Variants in SETD2 observed in about 807,000 individuals in gnomAD.
The protein encoded by SETD2 is SET domain containing 2, histone lysine methyltransferase.
Under a neutral mutation model 242.1 loss-of-function variants are expected in SETD2, and 31 were observed. The ratio of observed to expected loss-of-function variants is 0.13; its 90% confidence interval spans 0.10 to 0.17. The LOEUF (loss-of-function observed/expected upper bound fraction) is 0.17, where lower values mean the gene tolerates loss of function less well. Among genes scored for constraint, SETD2 ranks in the 10% least tolerant of loss-of-function variants. The probability of loss-of-function intolerance (pLI) is 1.00; values close to 1 mark genes in which losing one functional copy is unlikely to be tolerated. For missense variants in SETD2, 2,481 were observed against 3,046.3 expected (o/e 0.81, Z 4.37); for synonymous variants, 1,006 against 1,066.5 (o/e 0.94, Z 1.11).
chr3:47,147,917 CAAAAAAAAAAAA>C (rs547475994), intron 1 of SETD2, among the ~76,000 whole-genome samples: 2 of 52,126 alleles, frequency 3.8e-5, no homozygotes, highest in Non-Finnish European at 8.0e-5. Flanking sequence ...GACTCTGTCT[CAAAAAAAAAAAA>C]AAAAAAAAAA....
At chr3:47,051,741 A>T (rs1267552406) in intron 15 of SETD2, among the ~76,000 whole-genome samples, 1 of 152,164 alleles carries the variant, frequency 6.6e-6, no homozygotes, top group Non-Finnish European at 1.5e-5. Flanking sequence ...AAAAAAAAAA[A>T]ATCACCAGGG....
At chr3:47,090,655 G>T (rs1346188653) in intron 9 of SETD2, among the ~76,000 whole-genome samples, 1 of 152,124 alleles carries the variant, frequency 6.6e-6, no homozygotes, top group Non-Finnish European at 1.5e-5. Context: ...CTCCCAAAGT[G>T]CTAGGATTAT....
intron 12 of SETD2, among the ~76,000 whole-genome samples, chr3:47,077,904 A>G (rs756374190): frequency 1.4e-4 from 21 of 152,230 alleles, no homozygotes; most frequent in Non-Finnish European, 3.1e-4. Context: ...CAAGTAAATA[A>G]TGAAGTTAAT....
At chr3:47,030,801 A>G (rs1055140229) in intron 18 of SETD2, among the ~76,000 whole-genome samples, 2 of 152,232 alleles carry the variant, frequency 1.3e-5, no homozygotes, top group Non-Finnish European at 2.9e-5. Flanking sequence ...AAACCTGTAC[A>G]TGGATGTTTT....
At chr3:47,119,766 C>T (rs1215401045) in intron 3 of SETD2, 1 of 468,874 alleles carries the variant, frequency 2.1e-6, no homozygotes, top group African/African-American at 2.0e-5. Flanking sequence ...ATACAGTACC[C>T]AAAGATACTT....
chr3:47,045,878 C>T (rs2039502772), intron 16 of SETD2, among the ~76,000 whole-genome samples: 2 of 148,518 alleles, frequency 1.3e-5, no homozygotes, highest in African/African-American at 4.9e-5. Flanking sequence ...CAGGTTCACG[C>T]CATTCTCCTG....
chr3:47,112,948 T>C (rs2042716373), intron 5 of SETD2, among the ~76,000 whole-genome samples: 1 of 152,180 alleles, frequency 6.6e-6, no homozygotes, highest in African/African-American at 2.4e-5. Flanking sequence ...AAATACTGAA[T>C]ATGGTAGAAA....
At position 47,065,259 on chromosome 3, in the gene SETD2, G is replaced by A. The variant is rs75241147; in HGVS notation, c.6109+1811C>T. Among the ~76,000 whole-genome samples, 708 of 152,102 alleles carry A rather than the reference G, an allele frequency of 4.7e-3. 8 individuals carry two copies. The highest frequency in any genetic ancestry group is 0.017 in the African/African-American group (687 of 41,498). On this transcript the variant is annotated intron_variant, in intron 13 of 20. Coordinates refer to ENST00000409792, the MANE Select transcript of SETD2 (RefSeq NM_014159.7). ...GGCTATGAAGAGACTAAACCAGAGA[G>A]TGGAACTAAAAATATTCGAAAGACA...
intron 12 of SETD2, among the ~76,000 whole-genome samples, chr3:47,077,765 A>T (rs2041153503): frequency 6.6e-6 from 1 of 152,242 alleles, no homozygotes; most frequent in East Asian, 1.9e-4. Context: ...GGGAAGGGAC[A>T]GTACAAGATG....
intron 9 of SETD2, among the ~76,000 whole-genome samples, chr3:47,089,967 G>A (rs1467443594): frequency 6.6e-6 from 1 of 152,134 alleles, no homozygotes; most frequent in Admixed American, 6.5e-5. Flanking sequence ...AAAAGACTGG[G>A]CCAGATGCAG....
Position 47,017,880 on chromosome 3 carries a change from A to G in SETD2, c.7432-141T>C. The G allele has an allele frequency of 1.5e-6, 1 of 671,700 alleles. No homozygotes were observed. The highest frequency in any genetic ancestry group is 1.7e-5 in the South Asian group (1 of 58,074). 41.6% of individuals were successfully genotyped at this position (671,700 alleles called of 1,614,324 possible). A position where few individuals can be genotyped will look rare whatever the true frequency, so the allele number is the denominator to read the frequency against. On this transcript the variant is annotated intron_variant, in intron 19 of 20. Coordinates refer to ENST00000409792, the MANE Select transcript of SETD2 (RefSeq NM_014159.7). The surrounding 1 kb of genome is among the most constrained non-coding windows in gnomAD (Gnocchi z 4.8). ...CTCCCTCAGGTTAACTGGTTTGGAC[A>G]GTGGAATACTAGTAAGCCAGTAAGA... is the stretch of plus-strand genomic sequence containing the variant.
At chr3:47,058,336 G>A (rs959364904) in intron 14 of SETD2, among the ~76,000 whole-genome samples, 4 of 150,110 alleles carry the variant, frequency 2.7e-5, no homozygotes, top group African/African-American at 9.8e-5. Context: ...AGCTACTCAG[G>A]AGGCTGAGGC....
At chr3:47,086,062 T>C in intron 11 of SETD2, 133 bp downstream of exon 11, 1 of 957,952 alleles carries the variant, frequency 1.0e-6, no homozygotes, top group Non-Finnish European at 1.5e-6. Flanking sequence ...GATACTGAGA[T>C]GAAAAAATTA....
At position 47,088,410 on chromosome 3, in the gene SETD2, TAAC is replaced by T. The variant is rs202029893; in HGVS notation, c.5143-166_5143-164del. On this transcript the variant is annotated intron_variant, in intron 9 of 20. Coordinates refer to ENST00000409792, the MANE Select transcript of SETD2 (RefSeq NM_014159.7). ...GGGAAAAAGTTAAGAAGGCTGATAA[TAAC>T]AAGTCTACTGTTGATGAAAGTATAA... Among the ~76,000 whole-genome samples, 6,446 of 152,094 alleles carry T rather than the reference TAAC, an allele frequency of 0.042. 472 individuals carry two copies. The highest frequency in any genetic ancestry group is 0.15 in the African/African-American group (6,040 of 41,458).
chr3:47,046,633 A>G lies in SETD2; in HGVS notation c.6964-12T>C. The G allele has an allele frequency of 6.2e-7, 1 of 1,600,596 alleles. No homozygotes were observed. The highest frequency in any genetic ancestry group is 8.5e-7 in the Non-Finnish European group (1 of 1,173,788). ...GGCTGGGCATAACTCTAAAAGATAA[A>G]ATGAAGAAATCAATAATTTAAGCTT... On this transcript the variant is annotated splice_polypyrimidine_tract_variant and intron_variant, in intron 15 of 20. Coordinates refer to ENST00000409792, the MANE Select transcript of SETD2 (RefSeq NM_014159.7).
intron 15 of SETD2, 185 bp from the exon 16 acceptor site, chr3:47,046,806 A>T: frequency 2.5e-6 from 1 of 393,700 alleles, no homozygotes; most frequent in Non-Finnish European, 4.4e-6. Context: ...TTTTTTACTA[A>T]TTCCCTATTC....
Position 47,057,485 on chromosome 3 carries a change from T to C in SETD2, c.6299A>G (p.Asp2100Gly), listed in dbSNP as rs1345617918. The stretch of plus-strand genomic sequence containing the variant: ...TACTTTCTTTTTAGAAGTTGGTGTA[T>C]CATATCTAGAAAGAAAATAAGGACC... ...RGTKRPDDRYDTPTSKKKVRI... is the reference protein window; with the variant it reads ...RGTKRPDDRYGTPTSKKKVRI... The change falls in exon 15 of 21, where the codon GAT becomes GGT. Residue 2100 changes from aspartate to glycine, a missense_variant. Physicochemically the swap from Asp to Gly is moderately conservative, Grantham distance 94. This residue lies in a region of SETD2 where 80 missense variants were observed against 102.6 expected (regional missense o/e 0.78). Transcript: ENST00000409792. 1.2e-6 allele frequency: 2 copies of C among 1,612,338 alleles called. No homozygotes were observed. The highest frequency in any genetic ancestry group is 1.3e-5 in the African/African-American group (1 of 74,766).
chr3:47,159,895 A>C (rs1355816787), intron 1 of SETD2, among the ~76,000 whole-genome samples: 1 of 151,916 alleles, frequency 6.6e-6, no homozygotes, highest in Non-Finnish European at 1.5e-5. Flanking sequence ...GAATCGCTTA[A>C]AGCCAGGGGG....
At chr3:47,149,269 A>G (rs1439862319) in intron 1 of SETD2, among the ~76,000 whole-genome samples, 1 of 152,186 alleles carries the variant, frequency 6.6e-6, no homozygotes, top group Non-Finnish European at 1.5e-5. Context: ...TAAACTAGCT[A>G]GTGAGCACAA....
Sources: allele counts gnomAD v4.1 joint callset (sites outside exome capture counted in the v4.1 genomes callset), GRCh38; gene constraint gnomAD v4.1.1; regional missense constraint gnomAD v4.1.1; non-coding constraint Gnocchi (gnomAD v3.1); transcripts MANE v1.5; gene names NCBI Gene and HGNC (gene_info 2026-07-23, HGNC 2026-07-21).